Variants in TIAM1 observed in about 807,000 individuals in gnomAD.
TIAM1 encodes the protein TIAM Rac1 associated GEF 1.
Under a neutral mutation model 163.5 loss-of-function variants are expected in TIAM1, and 65 were observed. That is an observed-to-expected ratio of 0.40 (90% CI 0.33 to 0.49). The LOEUF (loss-of-function observed/expected upper bound fraction) is 0.49, where lower values mean the gene tolerates loss of function less well. Among genes scored for constraint, TIAM1 ranks in the 20% least tolerant of loss-of-function variants. TIAM1 has a pLI of 0.77. For missense variants in TIAM1, 1,789 were observed against 2,044.7 expected (o/e 0.87, Z 2.41); for synonymous variants, 833 against 810.1 (o/e 1.03, Z -0.48).
chr21:31,290,617 G>A (rs555346766), intron 2 of TIAM1, among the ~76,000 whole-genome samples: 6 of 132,786 alleles, frequency 4.5e-5, no homozygotes, highest in African/African-American at 1.2e-4. Flanking sequence ...ACTGCACTCC[G>A]GCCCCGGTAA....
At chr21:31,340,201 C>T (rs1419203539) in intron 1 of TIAM1, among the ~76,000 whole-genome samples, 1 of 151,540 alleles carries the variant, frequency 6.6e-6, no homozygotes, top group Non-Finnish European at 1.5e-5. Context: ...TAAATAAATG[C>T]TAAGTAATTA....
At chr21:31,476,682 G>A (rs539546048) in intron 1 of TIAM1, among the ~76,000 whole-genome samples, 4 of 152,272 alleles carry the variant, frequency 2.6e-5, no homozygotes, top group East Asian at 1.9e-4. Context: ...ACGGAGGGAC[G>A]CCATGAGCCT....
upstream of TIAM1, among the ~76,000 whole-genome samples, chr21:31,345,128 G>A (rs1373731123): frequency 6.6e-6 from 1 of 152,148 alleles, no homozygotes; most frequent in Non-Finnish European, 1.5e-5. Flanking sequence ...AATCACAAAA[G>A]AAGAAAACGG....
chr21:31,501,586 T>TTTTG (rs61313235), intron 1 of TIAM1, among the ~76,000 whole-genome samples: 9,044 of 150,700 alleles, frequency 0.06, 477 homozygotes, highest in Admixed American at 0.15. Context: ...ATGAAGTGGT[T>TTTTG]TTTGTTTGTT....
chr21:31,470,396 C>A (rs913070253), intron 1 of TIAM1, among the ~76,000 whole-genome samples: 1 of 152,024 alleles, frequency 6.6e-6, no homozygotes, highest in African/African-American at 2.4e-5. Context: ...TGCAGTGGCA[C>A]GATCTCGGCT....
intron 2 of TIAM1, among the ~76,000 whole-genome samples, chr21:31,357,089 G>A (rs1308735380): frequency 6.6e-6 from 1 of 152,168 alleles, no homozygotes; most frequent in African/African-American, 2.4e-5. Context: ...AAAAACATCT[G>A]GTTAAATCCA....
At chr21:31,486,484 T>C (rs1487064873) in intron 1 of TIAM1, among the ~76,000 whole-genome samples, 2 of 152,248 alleles carry the variant, frequency 1.3e-5, no homozygotes, top group Non-Finnish European at 1.5e-5. Context: ...AGCCTGTCCC[T>C]CCTTGGGCAG....
At chr21:31,261,667 C>T (rs1256577011) in intron 4 of TIAM1, among the ~76,000 whole-genome samples, 1 of 152,096 alleles carries the variant, frequency 6.6e-6, no homozygotes, top group Non-Finnish European at 1.5e-5. Flanking sequence ...GAGCTGAGAC[C>T]GTGCCACTGC....
At chr21:31,161,035 T>TTG (rs10582770) in intron 16 of TIAM1, 35,156 of 143,174 alleles carry the variant, frequency 0.25, 4,568 homozygotes, top group South Asian at 0.32. Flanking sequence ...CTAAGAAAAG[T>TTG]TGTGTGTGTG....
intron 1 of TIAM1, among the ~76,000 whole-genome samples, chr21:31,475,971 G>A (rs964643907): frequency 6.6e-6 from 1 of 152,196 alleles, no homozygotes; most frequent in Non-Finnish European, 1.5e-5. Context: ...TAAAACGGCT[G>A]CCTACTGCCT....
chr21:31,517,026 G>A (rs1220552102), intron 1 of TIAM1, among the ~76,000 whole-genome samples: 3 of 145,406 alleles, frequency 2.1e-5, no homozygotes, highest in Non-Finnish European at 4.5e-5. Context: ...TCCAGCCTTG[G>A]CGACAGAGCA....
intron 9 of TIAM1, among the ~76,000 whole-genome samples, chr21:31,215,459 G>A (rs2087128682): frequency 6.6e-6 from 1 of 150,996 alleles, no homozygotes; most frequent in Non-Finnish European, 1.5e-5. Flanking sequence ...TACTCAGGAG[G>A]TTGAGGCAAG....
At chr21:31,451,770 AG>A (rs1218657042) in intron 2 of TIAM1, among the ~76,000 whole-genome samples, 29 of 151,394 alleles carry the variant, frequency 1.9e-4, no homozygotes, top group African/African-American at 4.4e-4. Flanking sequence ...TGAGACACAG[AG>A]AGAGAGAGAG....
At position 31,144,343 on chromosome 21, in the gene TIAM1, A is replaced by G. The variant is rs144702692; in HGVS notation, c.3475+2552T>C. On this transcript the variant is annotated intron_variant, in intron 20 of 27. Transcript: ENST00000541036. ...TTCCCCAACAAAATATTCTCGTCCA[A>G]AAATATGGCTGTGGGTATTTCACCC... 1.4e-3 allele frequency among the ~76,000 whole-genome samples: 210 copies of G among 152,360 alleles called. 1 individual carries two copies. The highest frequency in any genetic ancestry group is 4.8e-3 in the African/African-American group (198 of 41,580).
At chr21:31,480,744 T>C (rs1045302509) in intron 1 of TIAM1, among the ~76,000 whole-genome samples, 1 of 152,112 alleles carries the variant, frequency 6.6e-6, no homozygotes, top group Non-Finnish European at 1.5e-5. Context: ...CATTCATTCA[T>C]TCGTTTGTTC....
Position 31,175,298 on chromosome 21 carries a change from C to A in TIAM1, c.2887+7123G>T, listed in dbSNP as rs151152506. On this transcript the variant is annotated intron_variant, in intron 15 of 27. Transcript: ENST00000541036. ...GGCTACTCACTGAGGTAAACCAAGG[C>A]ACCTGCTTCGCCCCAACTGGTCAAG... is the stretch of plus-strand genomic sequence containing the variant. Among the ~76,000 whole-genome samples, 757 of 152,296 alleles carry A rather than the reference C, an allele frequency of 5.0e-3. 9 individuals carry two copies. Among genetic ancestry groups the A allele is most frequent in the African/African-American group, 0.018 (732 of 41,568 alleles).
chr21:31,352,542 C>G (rs1302868541), intron 2 of TIAM1, among the ~76,000 whole-genome samples: 8 of 122,786 alleles, frequency 6.5e-5, no homozygotes, highest in South Asian at 2.5e-4. Context: ...ATATATGTAG[C>G]TTTAAAAAAA....
At chr21:31,292,222 T>C (rs1011371090) in intron 2 of TIAM1, among the ~76,000 whole-genome samples, 3 of 152,208 alleles carry the variant, frequency 2.0e-5, no homozygotes, top group African/African-American at 7.2e-5. Flanking sequence ...TGGTATTTAG[T>C]TGGAGCTTCA....
rs116082210 is a variant in TIAM1, at chr21:31,228,465, T to C, written c.1585-2515A>G. Among the ~76,000 whole-genome samples, 538 of 152,004 alleles carry C rather than the reference T, an allele frequency of 3.5e-3. 1 individual carries two copies. The highest frequency in any genetic ancestry group is 0.012 in the African/African-American group (513 of 41,434). ...ACTCTGGGTACACACTCAAGAGAAA[T>C]GCACTCATATGCACACGAAAATATA... is the stretch of plus-strand genomic sequence containing the variant. On this transcript the variant is annotated intron_variant, in intron 6 of 27. Coordinates refer to ENST00000541036, the MANE Select transcript of TIAM1 (RefSeq NM_001353694.2).
Sources: allele counts gnomAD v4.1 joint callset (sites outside exome capture counted in the v4.1 genomes callset), GRCh38; gene constraint gnomAD v4.1.1; transcripts MANE v1.5; gene names NCBI Gene and HGNC (gene_info 2026-07-23, HGNC 2026-07-21).